Variants in NRP2 observed in about 807,000 individuals in gnomAD.
The protein encoded by NRP2 is neuropilin 2.
NRP2 carries 52 observed loss-of-function variants against 110.4 expected under a neutral mutation model. The observed-to-expected ratio is 0.47, with a 90% confidence interval of 0.38 to 0.59. NRP2 has a LOEUF of 0.59. Among genes scored for constraint, NRP2 ranks in the 20% least tolerant of loss-of-function variants. NRP2 has a pLI of 0.00. For synonymous variants in NRP2, 508 were observed against 468.9 expected, an observed-to-expected ratio of 1.08 and a Z score of -1.08; for missense variants, 1,049 against 1,203.0, an observed-to-expected ratio of 0.87 and a Z score of 1.89.
chr2:205,688,694 T>C (rs981036146), intron 1 of NRP2, among the ~76,000 whole-genome samples: 5 of 152,188 alleles, frequency 3.3e-5, no homozygotes, highest in Admixed American at 6.5e-5. Context: ...CCAAATTATG[T>C]GACCTTTGGC....
chr2:205,734,402 C>G (rs528710550), intron 7 of NRP2, among the ~76,000 whole-genome samples: 3 of 139,760 alleles, frequency 2.1e-5, no homozygotes, highest in Admixed American at 1.5e-4. Context: ...TCCCACCGCC[C>G]CCCCCCACCC....
intron 10 of NRP2, among the ~76,000 whole-genome samples, chr2:205,746,729 T>C (rs2057544772): frequency 6.6e-6 from 1 of 152,208 alleles, no homozygotes; most frequent in African/African-American, 2.4e-5. Context: ...GTATCCCCAT[T>C]TTCCTGTCTG....
rs371653373 is a variant in NRP2 at position 205,745,886 on chromosome 2, G to A, written c.1782G>A (p.Trp594Ter). ...GGCTGGAGGTGCTGGGCTGTGACTG[G>A]ACAGGTAAGATGACATTTCCTCCTC... ...GMRLEVLGCD[W>*]TDSKPTVETL... is the part of the protein sequence containing the mutation. The change falls in exon 10 of 17, where the codon TGG becomes TGA. Residue 594 changes from tryptophan (W) to a stop codon, truncating the protein, a stop_gained. Coordinates refer to ENST00000357785, the MANE Select transcript of NRP2 (RefSeq NM_003872.3). LOFTEE classifies it high-confidence loss of function. 6.2e-7 allele frequency: 1 copy of A among 1,614,178 alleles called. No homozygotes were observed. The highest frequency in any genetic ancestry group is 8.5e-7 in the Non-Finnish European group (1 of 1,180,020).
intron 2 of NRP2, among the ~76,000 whole-genome samples, chr2:205,706,129 C>G (rs546594188): frequency 8.3e-4 from 126 of 152,182 alleles, no homozygotes; most frequent in Non-Finnish European, 8.1e-4. Context: ...ACCACCTTCA[C>G]TCTCCATCTG....
intron 2 of NRP2, chr2:205,701,181 C>A: frequency 6.5e-6 from 1 of 154,048 alleles, no homozygotes; most frequent in Non-Finnish European, 1.4e-5. Context: ...TTCAGGAGTT[C>A]TCAAACAGCC....
chr2:205,744,503 C>T (rs558756338), intron 9 of NRP2, among the ~76,000 whole-genome samples: 3 of 152,200 alleles, frequency 2.0e-5, no homozygotes, highest in Non-Finnish European at 4.4e-5. Flanking sequence ...CAGCTTACTC[C>T]CCTGCCACCA....
At chr2:205,777,004 TTG>T in intron 15 of NRP2, 9 of 1,042,882 alleles carry the variant, frequency 8.6e-6, no homozygotes, top group East Asian at 7.9e-5. Flanking sequence ...GGCTGGTTCA[TTG>T]TGTGTGTGTT....
chr2:205,701,229 A>G (rs1174132515), intron 2 of NRP2: 2 of 152,454 alleles, frequency 1.3e-5, no homozygotes, highest in Non-Finnish European at 2.9e-5. Flanking sequence ...AACCAAATAA[A>G]ACCAAAACCA....
intron 1 of NRP2, among the ~76,000 whole-genome samples, 196 bp downstream of exon 1, chr2:205,683,559 T>TGC (rs1300772446): frequency 7.5e-5 from 2 of 26,738 alleles, no homozygotes; most frequent in Non-Finnish European, 1.5e-4. Flanking sequence ...GCTAGGAGTG[T>TGC]GTGTGTGTGT....
At chr2:205,789,342 C>A (rs1208434482) in intron 15 of NRP2, among the ~76,000 whole-genome samples, 2 of 152,286 alleles carry the variant, frequency 1.3e-5, no homozygotes, top group African/African-American at 4.8e-5. Context: ...AGGTTGAAAG[C>A]GGAACTCGTG....
Position 205,725,855 on chromosome 2 carries a change from G to A in NRP2, c.821-58G>A. On this transcript the variant is annotated intron_variant, in intron 5 of 16. Transcript: ENST00000357785. This position sits in a 1 kb window ranked among gnomAD's most constrained non-coding sequence, Gnocchi z 4.1. ...CCCTAGAAGGGAGGCAGCATTTGGGGGATCCCGAGGTATGAGGTTGGAAGG... is the reference window on the plus strand; with the variant it reads ...CCCTAGAAGGGAGGCAGCATTTGGGAGATCCCGAGGTATGAGGTTGGAAGG... The A allele has an allele frequency of 6.3e-7, 1 of 1,588,648 alleles. No individual in the cohort carries two copies. The highest frequency in any genetic ancestry group is 1.7e-5 in the Admixed American group (1 of 59,968).
chr2:205,781,936 C>T (rs2058179065), intron 15 of NRP2, among the ~76,000 whole-genome samples: 1 of 152,126 alleles, frequency 6.6e-6, no homozygotes, highest in African/African-American at 2.4e-5. Context: ...ATCAGAAACC[C>T]ACACCCTTAG....
chr2:205,711,629 A>T (rs1223270143), intron 2 of NRP2, among the ~76,000 whole-genome samples: 3 of 152,218 alleles, frequency 2.0e-5, no homozygotes, highest in African/African-American at 4.8e-5. Context: ...GTGTGAAAGG[A>T]GGCCTTGCTT....
At chr2:205,747,462 C>A (rs2057558625) in intron 10 of NRP2, among the ~76,000 whole-genome samples, 1 of 152,222 alleles carries the variant, frequency 6.6e-6, no homozygotes, top group East Asian at 1.9e-4. Flanking sequence ...CTGCACCCAG[C>A]AAACCTGTTA....
rs560666048 is a variant in NRP2 at position 205,723,777 on chromosome 2, A to T, written c.665-8A>T. On this transcript the variant is annotated splice_polypyrimidine_tract_variant and splice_region_variant and intron_variant, in intron 4 of 16. Coordinates refer to ENST00000357785, the MANE Select transcript of NRP2 (RefSeq NM_003872.3). ...TTCCACTGACTTCTCTTTGTCTTGA[A>T]TGTCCAGTTGGCCCCCTGATTGGCA... 1 of 1,614,080 alleles carries T rather than the reference A, an allele frequency of 6.2e-7. No homozygotes were observed. Among genetic ancestry groups the T allele is most frequent in the South Asian group, 1.1e-5 (1 of 91,052 alleles).
At chr2:205,712,082 A>C (rs1019133747) in intron 2 of NRP2, among the ~76,000 whole-genome samples, 4 of 152,218 alleles carry the variant, frequency 2.6e-5, no homozygotes, top group Non-Finnish European at 4.4e-5. Flanking sequence ...GAGAAATGTA[A>C]GACTTTGAAG....
At chr2:205,729,403 C>G (rs1326866802) in intron 7 of NRP2, among the ~76,000 whole-genome samples, 1 of 152,348 alleles carries the variant, frequency 6.6e-6, no homozygotes, top group Non-Finnish European at 1.5e-5. Context: ...GAAAGACTTA[C>G]CAAGCATCCG....
intron 15 of NRP2, among the ~76,000 whole-genome samples, chr2:205,779,953 G>A (rs1264725208): frequency 6.6e-6 from 1 of 152,188 alleles, no homozygotes; most frequent in African/African-American, 2.4e-5. Flanking sequence ...ATTGGTGTGG[G>A]ATTTTGCAAA....
chr2:205,742,290 G>A (rs2057456464), intron 8 of NRP2, among the ~76,000 whole-genome samples: 2 of 152,202 alleles, frequency 1.3e-5, no homozygotes, highest in Admixed American at 1.3e-4. Flanking sequence ...CACATCTGAT[G>A]TGCCAGGCAC....
Sources: allele counts gnomAD v4.1 joint callset (sites outside exome capture counted in the v4.1 genomes callset), GRCh38; gene constraint gnomAD v4.1.1; non-coding constraint Gnocchi (gnomAD v3.1); transcripts MANE v1.5; gene names NCBI Gene and HGNC (gene_info 2026-07-23, HGNC 2026-07-21).